Variants in TNKS observed in about 807,000 individuals in gnomAD.
TNKS encodes tankyrase, also known as poly [ADP-ribose] polymerase tankyrase-1.
TNKS carries 72 observed loss-of-function variants against 135.8 expected under a neutral mutation model. That is an observed-to-expected ratio of 0.53 (90% CI 0.44 to 0.64). The LOEUF is 0.64. TNKS is among the 30% of genes least tolerant of loss of function. The probability of loss-of-function intolerance (pLI) is 0.00; values close to 1 mark genes in which losing one functional copy is unlikely to be tolerated. For missense variants in TNKS, 1,769 were observed against 1,674.0 expected, an observed-to-expected ratio of 1.06 and a Z score of -0.99; for synonymous variants, 849 against 649.3, an observed-to-expected ratio of 1.31 and a Z score of -4.68.
intron 12 of TNKS, among the ~76,000 whole-genome samples, chr8:9,722,691 G>C (rs1393295124): frequency 6.6e-6 from 1 of 152,032 alleles, no homozygotes; most frequent in Non-Finnish European, 1.5e-5. Flanking sequence ...TAAAAGTTGT[G>C]ATTTTTGTTA....
At chr8:9,617,808 C>T (rs944148980) in intron 3 of TNKS, among the ~76,000 whole-genome samples, 4 of 152,062 alleles carry the variant, frequency 2.6e-5, no homozygotes, top group Non-Finnish European at 5.9e-5. Flanking sequence ...CCTTACTTAC[C>T]TTGAGAGTGA....
chr8:9,631,845 A>G (rs1020202222), intron 3 of TNKS, among the ~76,000 whole-genome samples: 4 of 152,130 alleles, frequency 2.6e-5, no homozygotes, highest in Non-Finnish European at 5.9e-5. Context: ...TATAGCTAAG[A>G]AATGGCAGCT....
chr8:9,572,384 G>A (rs1055304277), intron 1 of TNKS, among the ~76,000 whole-genome samples: 1 of 152,130 alleles, frequency 6.6e-6, no homozygotes, highest in Non-Finnish European at 1.5e-5. Context: ...TGTCCATGCT[G>A]TTTGGCACTC....
At chr8:9,677,706 A>C (rs190650517) in intron 3 of TNKS, among the ~76,000 whole-genome samples, 2 of 152,294 alleles carry the variant, frequency 1.3e-5, no homozygotes, top group Admixed American at 1.3e-4. Flanking sequence ...CCCTTGTTAA[A>C]ATATTGCAGT....
intron 12 of TNKS, 72 bp downstream of exon 12, chr8:9,720,617 T>C (rs1804828312): frequency 6.9e-7 from 1 of 1,452,780 alleles, no homozygotes; most frequent in African/African-American, 1.4e-5. Context: ...CAGACAAACT[T>C]TGCAGTGTTT....
chr8:9,574,287 C>T (rs943432004), intron 1 of TNKS, among the ~76,000 whole-genome samples: 1 of 152,182 alleles, frequency 6.6e-6, no homozygotes, highest in Non-Finnish European at 1.5e-5. Flanking sequence ...CTTGTTGCTA[C>T]CTGCTTTGCC....
chr8:9,776,537 G>C (rs1808233924), intron 26 of TNKS, 113 bp from the exon 27 acceptor site: 1 of 884,152 alleles, frequency 1.1e-6, no homozygotes, highest in Non-Finnish European at 1.8e-6. Context: ...AAGAAACTGA[G>C]TCTATATAGA....
At chr8:9,633,871 A>T (rs1800393768) in intron 3 of TNKS, among the ~76,000 whole-genome samples, 1 of 152,150 alleles carries the variant, frequency 6.6e-6, no homozygotes, top group African/African-American at 2.4e-5. Flanking sequence ...GAGATGAGAT[A>T]TGATAGTCCC....
At chr8:9,685,439 T>G (rs531153453) in intron 5 of TNKS, among the ~76,000 whole-genome samples, 1 of 152,154 alleles carries the variant, frequency 6.6e-6, no homozygotes, top group African/African-American at 2.4e-5. Flanking sequence ...TAGCACACAG[T>G]AACCTTTAGA....
intron 18 of TNKS, among the ~76,000 whole-genome samples, chr8:9,750,951 G>A (rs1238624983): frequency 6.6e-6 from 1 of 152,176 alleles, no homozygotes; most frequent in African/African-American, 2.4e-5. Context: ...GCTTCTAAGA[G>A]AGTAAAAGTA....
chr8:9,632,587 A>G (rs981152417), intron 3 of TNKS, among the ~76,000 whole-genome samples: 1 of 152,200 alleles, frequency 6.6e-6, no homozygotes, highest in Non-Finnish European at 1.5e-5. Flanking sequence ...GAACCCTATC[A>G]GAGACACTTA....
intron 5 of TNKS, among the ~76,000 whole-genome samples, chr8:9,684,423 T>G (rs1280725136): frequency 6.6e-6 from 1 of 152,064 alleles, no homozygotes; most frequent in Non-Finnish European, 1.5e-5. Context: ...AGTCCAACAG[T>G]CAACTCTTTT....
intron 1 of TNKS, among the ~76,000 whole-genome samples, chr8:9,560,493 CTTTTTTTTTT>C (rs535715245): frequency 1.8e-3 from 77 of 42,306 alleles, no homozygotes; most frequent in African/African-American, 5.5e-3. Context: ...CCATACTTGT[CTTTTTTTTTT>C]TTTTTTTTTT....
chr8:9,565,990 A>G (rs542657908), intron 1 of TNKS, among the ~76,000 whole-genome samples: 102 of 152,306 alleles, frequency 6.7e-4, no homozygotes, highest in African/African-American at 2.3e-3. Context: ...GTTGACATAT[A>G]TATTATATAC....
At chr8:9,561,039 A>T (rs1797307017) in intron 1 of TNKS, among the ~76,000 whole-genome samples, 1 of 152,222 alleles carries the variant, frequency 6.6e-6, no homozygotes, top group South Asian at 2.1e-4. Flanking sequence ...CTGTTCAACA[A>T]TAGAGAAATG....
intron 11 of TNKS, among the ~76,000 whole-genome samples, chr8:9,711,853 A>G (rs753815794): frequency 6.6e-6 from 1 of 152,202 alleles, no homozygotes; most frequent in Non-Finnish European, 1.5e-5. Flanking sequence ...TAAATGAATC[A>G]CCCAGCCGTC....
intron 2 of TNKS, among the ~76,000 whole-genome samples, chr8:9,586,857 T>C (rs1798400621): frequency 6.6e-6 from 1 of 151,796 alleles, no homozygotes; most frequent in South Asian, 2.1e-4. Flanking sequence ...AAGACTTTGC[T>C]CCTCTTAGAG....
intron 26 of TNKS, among the ~76,000 whole-genome samples, chr8:9,771,603 AAGGGAGGAAGAG>A (rs1405886206): frequency 8.8e-6 from 1 of 113,074 alleles, no homozygotes; most frequent in African/African-American, 3.6e-5. Flanking sequence ...GGAAAGAAAG[AAGGGAGGAAGAG>A]AGGAAGGAAA....
chr8:9,776,688 G>A lies in TNKS; in HGVS notation c.3936G>A (p.Lys1312=), dbSNP rs1808240997. Residue 1312 remains lysine, a synonymous_variant, in exon 27 of 27, where the codon AAG becomes AAA. Transcript: ENST00000310430. ...PEYLITYQIM[K]PEAPSQTATA... ...ATCTTATCACTTACCAGATCATGAA[G>A]CCAGAAGCCCCTTCCCAGACCGCAA... 1 of 1,614,014 alleles carries A rather than the reference G, an allele frequency of 6.2e-7. No homozygotes were observed. Among genetic ancestry groups the A allele is most frequent in the African/African-American group, 1.3e-5 (1 of 75,018 alleles).
Sources: allele counts gnomAD v4.1 joint callset (sites outside exome capture counted in the v4.1 genomes callset), GRCh38; gene constraint gnomAD v4.1.1; transcripts MANE v1.5; gene names NCBI Gene and HGNC (gene_info 2026-07-23, HGNC 2026-07-21).